Variants in MYH15 observed in about 807,000 individuals in gnomAD.
MYH15 encodes the protein myosin heavy chain 15.
A neutral mutation model predicts 240.5 loss-of-function variants in MYH15; 227 were observed. The observed-to-expected ratio is 0.94, with a 90% CI of 0.85 to 1.05. MYH15 has a LOEUF of 1.05. MYH15 is among the 50% of genes least tolerant of loss of function. The pLI is 0.00. For missense variants in MYH15, 2,217 were observed against 2,247.5 expected (o/e 0.99, Z 0.27); for synonymous variants, 785 against 796.7 (o/e 0.99, Z 0.25).
chr3:108,395,948 A>G (rs2082457596), intron 35 of MYH15, among the ~76,000 whole-genome samples: 1 of 152,194 alleles, frequency 6.6e-6, no homozygotes, highest in African/African-American at 2.4e-5. Context: ...TTCTATGAGC[A>G]GTAGCACCTG....
chr3:108,541,506 T>A, the MYH15 span, among the ~76,000 whole-genome samples: 1 of 151,886 alleles, frequency 6.6e-6, no homozygotes, highest in South Asian at 2.1e-4. Flanking sequence ...CAGGAGAAAT[T>A]GGAAAGGGAT....
At chr3:108,439,983 T>C in intron 23 of MYH15, 70 bp from the exon 24 acceptor site, 4 of 1,359,664 alleles carry the variant, frequency 2.9e-6, no homozygotes. Flanking sequence ...GAGGGTCATT[T>C]CTCTTCTGTC....
chr3:108,410,682 C>G lies in MYH15; in HGVS notation c.4396G>C (p.Val1466Leu). The G allele has an allele frequency of 6.2e-7, 1 of 1,614,210 alleles. No homozygotes were observed. The highest frequency in any genetic ancestry group is 8.5e-7 in the Non-Finnish European group (1 of 1,180,036). ...QALLDASQKE[V>L]QALSTELLKL... Reference sequence around the variant, plus strand: ...AGGAGCTCTGTACTGAGAGCCTGAACTTCCTTCTGAGAGGCATCCAGCAAC... The same window carrying G: ...AGGAGCTCTGTACTGAGAGCCTGAAGTTCCTTCTGAGAGGCATCCAGCAAC... Residue 1466 changes from valine (V) to leucine (L), a missense_variant, in exon 31 of 41, where the codon GTT (valine) becomes CTT (leucine). Coordinates refer to ENST00000693548, the MANE Select transcript of MYH15 (RefSeq NM_014981.3).
At chr3:108,391,983 C>T in intron 36 of MYH15, 53 bp from the exon 37 acceptor site, 1 of 1,576,284 alleles carries the variant, frequency 6.3e-7, no homozygotes, top group South Asian at 1.2e-5. Flanking sequence ...TTGATCTTAA[C>T]ATTTTTACCC....
intron 16 of MYH15, among the ~76,000 whole-genome samples, chr3:108,460,587 C>T (rs2083063911): frequency 6.6e-6 from 1 of 152,030 alleles, no homozygotes; most frequent in African/African-American, 2.4e-5. Context: ...ATGATACTCA[C>T]TGAAGCATTA....
chr3:108,500,247 T>C lies in MYH15; in HGVS notation c.367A>G (p.Ile123Val). The C allele has an allele frequency of 6.2e-7, 1 of 1,614,024 alleles. No individual in the cohort carries two copies. Among genetic ancestry groups the C allele is most frequent in the Non-Finnish European group, 8.5e-7 (1 of 1,179,910 alleles). Residue 123 changes from isoleucine (I) to valine (V), a missense_variant, in exon 4 of 41, where the codon ATA (isoleucine) becomes GTA (valine). Ile to Val is a conservative substitution (Grantham distance 29, BLOSUM62 3). Transcript: ENST00000693548. ...ACGGGAAGCCATTTGTAAGGGTTTA[T>C]GGTCACACAGAAGAGACCTGAATAT... ...YTYSGLFCVT[I>V]NPYKWLPVYQ... is the part of the protein sequence containing the mutation.
intron 27 of MYH15, among the ~76,000 whole-genome samples, chr3:108,426,818 G>T (rs183070155): frequency 3.3e-5 from 5 of 152,188 alleles, no homozygotes; most frequent in East Asian, 1.9e-4. Context: ...CTGCCAGGGG[G>T]GGGCAGTGCT....
chr3:108,413,245 G>A (rs1167601207), intron 30 of MYH15, among the ~76,000 whole-genome samples: 1 of 152,172 alleles, frequency 6.6e-6, no homozygotes, highest in Non-Finnish European at 1.5e-5. Context: ...CCAGAGTTTT[G>A]ATAAAACATC....
rs550562629 is a variant in MYH15, at chr3:108,486,531, A to C, written c.872-5T>G. 5.0e-5 allele frequency: 80 copies of C among 1,595,544 alleles called. No individual in the cohort carries two copies. In the African/African-American group the frequency reaches 8.2e-4, roughly 16 times the overall value. ...TTGCAGATACCAGGAGCAGGTCTAGAGTGGGAAAACGATTCGTTAAACAGC... is the reference window on the plus strand; with the variant it reads ...TTGCAGATACCAGGAGCAGGTCTAGCGTGGGAAAACGATTCGTTAAACAGC... On this transcript the variant is annotated splice_polypyrimidine_tract_variant and splice_region_variant and intron_variant, in intron 9 of 40. Coordinates refer to ENST00000693548, the MANE Select transcript of MYH15 (RefSeq NM_014981.3).
At chr3:108,549,597 A>G in the MYH15 span, among the ~76,000 whole-genome samples, 5 of 152,062 alleles carry the variant, frequency 3.3e-5, no homozygotes, top group Non-Finnish European at 7.4e-5. Flanking sequence ...GATCTGCATT[A>G]TCTAACAGGA....
rs925696845 is a variant in MYH15 at position 108,481,958 on chromosome 3, C to T, written c.1114+3133G>A. On this transcript the variant is annotated intron_variant, in intron 11 of 40. Coordinates refer to ENST00000693548, the MANE Select transcript of MYH15 (RefSeq NM_014981.3). ...AGGGCTGACTGACACTGTGAAAGGA[C>T]TGACAGTAGCTTCTGGGTGCAGAGC... Among the ~76,000 whole-genome samples the T allele has an allele frequency of 2.6e-5, 4 of 152,082 alleles. No individual in the cohort carries two copies. The South Asian group carries it at 8.3e-4, about 32-fold the overall frequency.
chr3:108,435,301 T>C (rs1468667062), intron 25 of MYH15, among the ~76,000 whole-genome samples: 1 of 152,214 alleles, frequency 6.6e-6, no homozygotes, highest in Non-Finnish European at 1.5e-5. Context: ...TTCTAATTTT[T>C]TAAAAATTGT....
Position 108,400,528 on chromosome 3 carries a change from G to A in MYH15, c.4737-1261C>T, listed in dbSNP as rs1016534357. Among the ~76,000 whole-genome samples the A allele has an allele frequency of 5.3e-5, 8 of 152,280 alleles. No homozygotes were observed. In the South Asian group the frequency reaches 1.0e-3, roughly 20 times the overall value. ...CCAGTGTCCTAAGCTCTGTGAGGTC[G>A]ATTAAGAAGGCATACAGGCCGGGCG... is the stretch of plus-strand genomic sequence containing the variant. On this transcript the variant is annotated intron_variant, in intron 33 of 40. Coordinates refer to ENST00000693548, the MANE Select transcript of MYH15 (RefSeq NM_014981.3).
intron 1 of MYH15, among the ~76,000 whole-genome samples, chr3:108,529,082 G>T (rs1178260266): frequency 6.6e-6 from 1 of 152,120 alleles, no homozygotes; most frequent in East Asian, 1.9e-4. Context: ...AAAGCAGACC[G>T]GCTACATTTA....
intron 14 of MYH15, among the ~76,000 whole-genome samples, chr3:108,467,079 T>C (rs1272695100): frequency 6.6e-6 from 1 of 151,990 alleles, no homozygotes; most frequent in Non-Finnish European, 1.5e-5. Flanking sequence ...ACCCTTATCA[T>C]AGTAGGTTCC....
intron 34 of MYH15, 56 bp from the exon 35 acceptor site, chr3:108,398,896 A>G: frequency 6.5e-7 from 1 of 1,530,946 alleles, no homozygotes; most frequent in Non-Finnish European, 9.0e-7. Context: ...AACATAGACT[A>G]TGCACCTACA....
intron 33 of MYH15, chr3:108,404,852 C>T (rs889631276): frequency 5.3e-5 from 8 of 152,078 alleles, no homozygotes; most frequent in Admixed American, 2.0e-4. Flanking sequence ...TTCTCCATGG[C>T]TCAGCATTTT....
chr3:108,522,872 T>C (rs1215635487), intron 1 of MYH15, among the ~76,000 whole-genome samples: 3 of 152,124 alleles, frequency 2.0e-5, no homozygotes, highest in East Asian at 3.8e-4. Context: ...GATGTTAGAA[T>C]GTATTAGGTG....
upstream of MYH15, among the ~76,000 whole-genome samples, chr3:108,533,198 A>C (rs2083723285): frequency 6.8e-6 from 1 of 147,258 alleles, no homozygotes; most frequent in Non-Finnish European, 1.5e-5. Context: ...CTGAAGAGCA[A>C]CCTGTCCTTG....
Sources: gnomAD v4.1 joint callset for allele counts (sites outside exome capture counted in the v4.1 genomes callset) on GRCh38, gnomAD v4.1.1 for gene constraint, MANE v1.5 for transcripts, NCBI Gene and HGNC (gene_info 2026-07-23, HGNC 2026-07-21) for gene names.